REPS2: variants seen among roughly 807,000 people sequenced by gnomAD.
REPS2 encodes the protein RALBP1 associated Eps domain containing 2.
A neutral mutation model predicts 53.6 loss-of-function variants in REPS2; 23 were observed. The observed-to-expected ratio is 0.43, with a 90% confidence interval of 0.31 to 0.61. The LOEUF (loss-of-function observed/expected upper bound fraction) is 0.61, where lower values mean the gene tolerates loss of function less well. REPS2 is among the 20% of genes least tolerant of loss of function. The pLI is 0.11. For missense variants in REPS2, 446 were observed against 534.9 expected (o/e 0.83, Z 1.64); for synonymous variants, 238 against 218.6 (o/e 1.09, Z -0.78).
chrX:17,178,780 T>A, the REPS2 span, among the ~76,000 whole-genome samples: 2 of 110,104 alleles, frequency 1.8e-5, no homozygotes, highest in East Asian at 5.7e-4. Flanking sequence ...ATACAAAAAT[T>A]AGCCAGGTGT....
intron 8 of REPS2, among the ~76,000 whole-genome samples, chrX:17,061,733 G>A (rs191535323): frequency 1.4e-4 from 16 of 112,355 alleles, no homozygotes; most frequent in Admixed American, 1.3e-3. Context: ...AGCAGAATCC[G>A]CTTCTAAGAC....
chrX:17,005,157 A>T (rs1483515095), intron 1 of REPS2, among the ~76,000 whole-genome samples: 1 of 111,200 alleles, frequency 9.0e-6, no homozygotes, highest in Non-Finnish European at 1.9e-5. Context: ...AAATTCAGAG[A>T]CATTTTATTT....
intron 14 of REPS2, among the ~76,000 whole-genome samples, chrX:17,104,189 T>C: frequency 8.9e-6 from 1 of 111,936 alleles, no homozygotes; most frequent in Non-Finnish European, 1.9e-5. Flanking sequence ...GAAAAATAAA[T>C]GGTTATCAAC....
At chrX:17,184,164 G>T in the REPS2 span, among the ~76,000 whole-genome samples, 1 of 105,973 alleles carries the variant, frequency 9.4e-6, no homozygotes, top group Admixed American at 1.0e-4. Context: ...ATCTCCCAGT[G>T]CTATCACTCC....
At chrX:17,177,398 T>A in the REPS2 span, among the ~76,000 whole-genome samples, 1 of 112,022 alleles carries the variant, frequency 8.9e-6, no homozygotes, top group African/African-American at 3.2e-5. Context: ...GATGCTACTT[T>A]CAGTAGCTTC....
At chrX:17,056,784 C>G (rs1055689312) in intron 8 of REPS2, among the ~76,000 whole-genome samples, 1 of 111,637 alleles carries the variant, frequency 9.0e-6, no homozygotes, top group Non-Finnish European at 1.9e-5. Flanking sequence ...TATATGTATA[C>G]ACCCATGTAA....
intron 13 of REPS2, among the ~76,000 whole-genome samples, chrX:17,087,796 G>A (rs1214423446): frequency 1.8e-5 from 2 of 110,515 alleles, no homozygotes; most frequent in African/African-American, 3.3e-5. Context: ...TTAGCCAGGC[G>A]TGGTGATGTG....
chrX:16,965,234 T>C (rs1386667884), intron 1 of REPS2, among the ~76,000 whole-genome samples: 8 of 39,614 alleles, frequency 2.0e-4, no homozygotes, highest in Admixed American at 8.0e-4. Context: ...CGCCCCTCAC[T>C]TCCCGGACGG....
At chrX:16,973,347 ATATCCTATT>A (rs1569100982) in intron 1 of REPS2, among the ~76,000 whole-genome samples, 1 of 111,660 alleles carries the variant, frequency 9.0e-6, no homozygotes, top group African/African-American at 3.3e-5. Context: ...GACTAGGCAG[ATATCCTATT>A]TATCCTCAAA....
At chrX:17,111,547 A>G (rs1280356785) in intron 14 of REPS2, among the ~76,000 whole-genome samples, 1 of 112,291 alleles carries the variant, frequency 8.9e-6, no homozygotes, top group Non-Finnish European at 1.9e-5. Context: ...AAATCACAAC[A>G]TGTTAATGAG....
At chrX:17,000,975 G>A (rs2061299313) in intron 1 of REPS2, among the ~76,000 whole-genome samples, 1 of 111,958 alleles carries the variant, frequency 8.9e-6, no homozygotes, top group Non-Finnish European at 1.9e-5. Flanking sequence ...GGACCTGGAT[G>A]CATGTAGGTT....
chrX:17,014,993 T>C (rs779577908), intron 2 of REPS2, among the ~76,000 whole-genome samples: 103 of 113,459 alleles, frequency 9.1e-4, no homozygotes, highest in African/African-American at 3.2e-3. Flanking sequence ...TATGAATCTT[T>C]CCTTCATTAC....
chrX:16,973,832 T>C (rs1427111343), intron 1 of REPS2, among the ~76,000 whole-genome samples: 4 of 110,965 alleles, frequency 3.6e-5, no homozygotes, highest in Non-Finnish European at 7.5e-5. Flanking sequence ...GATTGCCATA[T>C]ACTAAATCAC....
At chrX:17,014,724 G>C (rs2061467653) in intron 2 of REPS2, among the ~76,000 whole-genome samples, 1 of 112,212 alleles carries the variant, frequency 8.9e-6, no homozygotes, top group South Asian at 3.7e-4. Flanking sequence ...CAGCAGTCAG[G>C]AGTCAAGAAT....
At chrX:17,105,492 C>T (rs1284489423) in intron 14 of REPS2, among the ~76,000 whole-genome samples, 1 of 112,308 alleles carries the variant, frequency 8.9e-6, no homozygotes, top group Non-Finnish European at 1.9e-5. Flanking sequence ...CAGCAGTCTT[C>T]ATCTGAGCTG....
chrX:17,181,287 G>A, the REPS2 span, among the ~76,000 whole-genome samples: 1 of 112,868 alleles, frequency 8.9e-6, no homozygotes, highest in African/African-American at 3.2e-5. Flanking sequence ...GGCTATGGTA[G>A]GTTGCAAGGA....
chrX:16,991,219 T>C (rs1640135817), intron 1 of REPS2, among the ~76,000 whole-genome samples: 2 of 111,618 alleles, frequency 1.8e-5, no homozygotes, highest in Non-Finnish European at 3.8e-5. Flanking sequence ...CTAAGGGCCA[T>C]GGTTTCTAGA....
In REPS2 at chrX:17,152,058, A is replaced by G. The variant is rs2063574275; in HGVS notation, c.*4577A>G. ...GAATGTGGGTATTACTCTGTGAGCC[A>G]CCCTGCTTCGCTTGTTTGTAAGGAG... On this transcript the variant is annotated 3_prime_UTR_variant, in exon 18 of 18. Transcript: ENST00000357277. 9.0e-6 allele frequency: 1 copy of G among 111,104 alleles called. No individual in the cohort carries two copies. The highest frequency in any genetic ancestry group is 3.3e-5 in the African/African-American group (1 of 30,520). 9.2% of individuals were successfully genotyped at this position (111,104 alleles called of 1,213,427 possible).
intron 1 of REPS2, among the ~76,000 whole-genome samples, chrX:16,977,116 T>G (rs938978596): frequency 8.9e-6 from 1 of 111,902 alleles, no homozygotes; most frequent in Non-Finnish European, 1.9e-5. Context: ...GCAAGAGGTC[T>G]TTTACCTGAA....
Sources: gnomAD v4.1 joint callset for allele counts (sites outside exome capture counted in the v4.1 genomes callset) on GRCh38, gnomAD v4.1.1 for gene constraint, MANE v1.5 for transcripts, NCBI Gene and HGNC (gene_info 2026-07-23, HGNC 2026-07-21) for gene names.